Variants in MTG1 observed in about 807,000 individuals in gnomAD.
The protein encoded by MTG1 is mitochondrial ribosome associated GTPase 1.
In MTG1, 30 loss-of-function variants were observed where a neutral mutation model predicts 39.5. The observed-to-expected ratio is 0.76, with a 90% confidence interval of 0.57 to 1.03. MTG1 has a LOEUF of 1.03. Among genes scored for constraint, MTG1 ranks in the 50% least tolerant of loss-of-function variants. The probability of loss-of-function intolerance (pLI) is 0.00; values close to 1 mark genes in which losing one functional copy is unlikely to be tolerated. For missense variants in MTG1, 513 were observed against 447.4 expected, an observed-to-expected ratio of 1.15 and a Z score of -1.32; for synonymous variants, 217 against 179.0, an observed-to-expected ratio of 1.21 and a Z score of -1.69.
At chr10:133,419,880 G>A in intron 10 of MTG1, 146 bp from the exon 11 acceptor site, 1 of 1,018,188 alleles carries the variant, frequency 9.8e-7, no homozygotes, top group Admixed American at 2.5e-5. Flanking sequence ...CGTAGCTCAA[G>A]CTGTTTTCTT....
intron 9 of MTG1, among the ~76,000 whole-genome samples, chr10:133,409,945 C>T (rs572011124): frequency 6.7e-6 from 1 of 150,050 alleles, no homozygotes; most frequent in Non-Finnish European, 1.5e-5. Context: ...TATGTTTTTC[C>T]ACCCTTTGAC....
At chr10:133,414,637 C>T (rs972897809) in intron 9 of MTG1, among the ~76,000 whole-genome samples, 14 of 150,816 alleles carry the variant, frequency 9.3e-5, no homozygotes, top group Middle Eastern at 3.4e-3. Context: ...CTCATCACTT[C>T]CCAGACTGGG....
rs74759238 is a variant in MTG1 at position 133,406,332 on chromosome 10, G to A, written c.752+3559G>A. Among the ~76,000 whole-genome samples the A allele has an allele frequency of 7.7e-3, 1,176 of 152,104 alleles. 8 individuals carry two copies. The highest frequency in any genetic ancestry group is 0.048 in the Middle Eastern group (14 of 294). The stretch of plus-strand genomic sequence containing the variant: ...TTCTTGCTTCGGGTCTTGCCGTGCC[G>A]TCCAGGCTGAGTGCAGTGGTGCGAT... On this transcript the variant is annotated intron_variant, in intron 9 of 10. Coordinates refer to ENST00000317502, the MANE Select transcript of MTG1 (RefSeq NM_138384.4).
At chr10:133,414,125 G>A (rs898138927) in intron 9 of MTG1, among the ~76,000 whole-genome samples, 3 of 149,330 alleles carry the variant, frequency 2.0e-5, no homozygotes, top group African/African-American at 7.5e-5. Context: ...CTCTTAACGA[G>A]CATGCTGCCT....
At position 133,420,721 on chromosome 10, in the gene MTG1, A is replaced by T. The variant is rs1205614975; in HGVS notation, c.*556A>T. On this transcript the variant is annotated 3_prime_UTR_variant, in exon 11 of 11. Transcript: ENST00000317502. ...AGGCACACACAGACACAGACCAGAG[A>T]CTCCCAGCAGCAGAGCCCAAGCACT... The T allele has an allele frequency of 6.6e-6, 1 of 152,658 alleles. No homozygotes were observed. Among genetic ancestry groups the T allele is most frequent in the East Asian group, 1.9e-4 (1 of 5,206 alleles). 9.5% of individuals were successfully genotyped at this position (152,658 alleles called of 1,614,324 possible).
rs1850133145 is a variant in MTG1, at chr10:133,416,389, T to TA, written c.753-3091_753-3090insA. Among the ~76,000 whole-genome samples the TA allele has an allele frequency of 8.0e-5, 9 of 112,560 alleles. No homozygotes were observed. The Admixed American group carries it at 8.5e-4, about 11-fold the overall frequency. The allele number at this position is 112,560 out of a possible 152,430, so 73.8% of individuals were successfully genotyped here. A position where few individuals can be genotyped will look rare whatever the true frequency, so the allele number is the denominator to read the frequency against. On this transcript the variant is annotated intron_variant, in intron 9 of 10. Transcript: ENST00000317502. ...TTTGGATGATATATATATATATATA[T>TA]TTTTCTTTTTATTTTATTTTATTAT...
intron 7 of MTG1, 88 bp downstream of exon 7, chr10:133,401,678 C>CTG: frequency 7.8e-7 from 1 of 1,277,690 alleles, no homozygotes; most frequent in South Asian, 1.2e-5. Context: ...CTTCCGGCTG[C>CTG]TGACCACGCT....
chr10:133,415,643 C>T (rs951526586), intron 9 of MTG1, among the ~76,000 whole-genome samples: 3 of 152,266 alleles, frequency 2.0e-5, no homozygotes, highest in Non-Finnish European at 2.9e-5. Context: ...GATTTTCTCT[C>T]TCAGTGCTTT....
chr10:133,399,497 G>C, intron 5 of MTG1, 32 bp from the exon 6 acceptor site: 1 of 1,604,202 alleles, frequency 6.2e-7, no homozygotes. Context: ...CGGCCACGGT[G>C]GGCCCTGTGA....
Position 133,402,342 on chromosome 10 carries a change from T to C in MTG1, c.670+97T>C, listed in dbSNP as rs1231355211. 7.8e-6 allele frequency: 11 copies of C among 1,417,282 alleles called. No individual in the cohort carries two copies. The highest frequency in any genetic ancestry group is 2.2e-4 in the Middle Eastern group (1 of 4,584). 87.8% of individuals were successfully genotyped at this position (1,417,282 alleles called of 1,614,324 possible). ...TGGCACAGGGCCCCTAGACGGGAGT[T>C]GTTACTGCCTTTGACCTGGTTGCTG... On this transcript the variant is annotated intron_variant, in intron 8 of 10. Coordinates refer to ENST00000317502, the MANE Select transcript of MTG1 (RefSeq NM_138384.4). This position sits in a 1 kb window ranked among gnomAD's most constrained non-coding sequence, Gnocchi z 4.7.
At chr10:133,395,680 G>T (rs779992665) in intron 1 of MTG1, 33 bp from the exon 2 acceptor site, 2 of 1,610,230 alleles carry the variant, frequency 1.2e-6, no homozygotes, top group Admixed American at 1.7e-5. Context: ...AAGGTTGTGA[G>T]CCCCTTCGCT....
At chr10:133,418,637 T>C in intron 9 of MTG1, among the ~76,000 whole-genome samples, 1 of 152,136 alleles carries the variant, frequency 6.6e-6, no homozygotes, top group South Asian at 2.1e-4. Context: ...CTTGCTTTGC[T>C]GGGCCTTGGG....
At position 133,402,908 on chromosome 10, in the gene MTG1, C is replaced by T; in HGVS notation, c.752+135C>T. 1.5e-6 allele frequency: 1 copy of T among 675,946 alleles called. No individual in the cohort carries two copies. Among genetic ancestry groups the T allele is most frequent in the South Asian group, 2.0e-5 (1 of 49,316 alleles). 41.9% of individuals were successfully genotyped at this position (675,946 alleles called of 1,614,324 possible). On this transcript the variant is annotated intron_variant, in intron 9 of 10. Transcript: ENST00000317502. This position sits in a 1 kb window ranked among gnomAD's most constrained non-coding sequence, Gnocchi z 4.7. The stretch of plus-strand genomic sequence containing the variant: ...GTAACCTGCACATCGTTTAAAGCGT[C>T]CAGTTGGACAAGTTCGGGAGTATGG...
At chr10:133,395,600 T>G in intron 1 of MTG1, 113 bp from the exon 2 acceptor site, 8 of 947,120 alleles carry the variant, frequency 8.4e-6, no homozygotes, top group Non-Finnish European at 1.2e-5. Flanking sequence ...TTCCCTCAGA[T>G]ATAGTCTTTT....
intron 9 of MTG1, among the ~76,000 whole-genome samples, chr10:133,419,021 G>GTA (rs992289333): frequency 1.7e-4 from 26 of 152,248 alleles, no homozygotes; most frequent in Non-Finnish European, 3.7e-4. Flanking sequence ...GGATGCAGGT[G>GTA]TACTGGCTGC....
chr10:133,410,367 C>A (rs1850027466), intron 9 of MTG1, among the ~76,000 whole-genome samples: 1 of 152,100 alleles, frequency 6.6e-6, no homozygotes, highest in Non-Finnish European at 1.5e-5. Flanking sequence ...TACTCTATGT[C>A]TTTTAGTTGG....
In MTG1 at chr10:133,402,120, G is replaced by A; in HGVS notation, c.574-29G>A. The stretch of plus-strand genomic sequence containing the variant: ...ACCTGGGTGGGAGGCTGCCACCGCG[G>A]CCTGATCATGCCCTCTGTGCCCACA... On this transcript the variant is annotated intron_variant, in intron 7 of 10. Coordinates refer to ENST00000317502, the MANE Select transcript of MTG1 (RefSeq NM_138384.4). This position sits in a 1 kb window ranked among gnomAD's most constrained non-coding sequence, Gnocchi z 4.7. 6.2e-7 allele frequency: 1 copy of A among 1,613,598 alleles called. No individual in the cohort carries two copies. Among genetic ancestry groups the A allele is most frequent in the Non-Finnish European group, 8.5e-7 (1 of 1,179,888 alleles).
intron 9 of MTG1, among the ~76,000 whole-genome samples, chr10:133,405,100 G>A (rs541080236): frequency 6.6e-6 from 1 of 152,176 alleles, no homozygotes; most frequent in Admixed American, 6.5e-5. Flanking sequence ...GAATTTATAG[G>A]TCAGTCTGGG....
chr10:133,419,383 C>T (rs945385629), intron 9 of MTG1, 97 bp from the exon 10 acceptor site: 7 of 951,696 alleles, frequency 7.4e-6, no homozygotes, highest in East Asian at 5.4e-5. Context: ...GGTGCCTGGC[C>T]GTGGCCTTTG....
Sources: gnomAD v4.1 joint callset for allele counts (sites outside exome capture counted in the v4.1 genomes callset) on GRCh38, gnomAD v4.1.1 for gene constraint, Gnocchi (gnomAD v3.1) non-coding constraint, MANE v1.5 for transcripts, NCBI Gene and HGNC (gene_info 2026-07-23, HGNC 2026-07-21) for gene names.